The following TAPBPL variants were observed in gnomAD, a reference collection of about 807,000 sequenced individuals.
The protein encoded by TAPBPL is tapasin-related protein.
In TAPBPL, 32 loss-of-function variants were observed where a neutral mutation model predicts 44.8. The observed-to-expected ratio is 0.71, with a 90% confidence interval of 0.54 to 0.96. The LOEUF is 0.96. Ranked by LOEUF, TAPBPL falls within the 40% of genes least tolerant of loss-of-function variation. TAPBPL has a pLI of 0.00. For missense variants in TAPBPL, 520 were observed against 586.6 expected, an observed-to-expected ratio of 0.89 and a Z score of 1.17; for synonymous variants, 230 against 240.7, an observed-to-expected ratio of 0.96 and a Z score of 0.41.
chr12:6,465,002 T>G, downstream of TAPBPL: 1 of 1,604,398 alleles, frequency 6.2e-7, no homozygotes, highest in Non-Finnish European at 8.5e-7. Context: ...AAGAGCCACA[T>G]CTCTAGTGGG....
At chr12:6,465,717 CAA>C, downstream of TAPBPL, 2 of 1,334,444 alleles carry the variant, frequency 1.5e-6, no homozygotes, top group Non-Finnish European at 2.0e-6. Context: ...GATTTCCTCC[CAA>C]GCGTTATGCT....
downstream of TAPBPL, chr12:6,466,432 C>G: frequency 2.0e-6 from 3 of 1,488,766 alleles, no homozygotes; most frequent in South Asian, 3.9e-5. Context: ...CCTGTAGTCC[C>G]AGCTACTCAA....
chr12:6,453,342 C>T lies in TAPBPL; in HGVS notation c.295+45C>T. The T allele has an allele frequency of 6.2e-7, 1 of 1,610,792 alleles. No individual in the cohort carries two copies. Among genetic ancestry groups the T allele is most frequent in the South Asian group, 1.1e-5 (1 of 90,670 alleles). On this transcript the variant is annotated intron_variant, in intron 2 of 6. Transcript: ENST00000266556. The surrounding 1 kb of genome is among the most constrained non-coding windows in gnomAD (Gnocchi z 4.8). ...GTCCTTGGTCCTCCCGGGCTCCCTC[C>T]ACCAGGACAGCCCAGGTCCCGATTA...
At chr12:6,468,714 T>G (rs1303813589), downstream of TAPBPL, among the ~76,000 whole-genome samples, 1 of 152,190 alleles carries the variant, frequency 6.6e-6, no homozygotes, top group Non-Finnish European at 1.5e-5. Context: ...GTGTGTGGTC[T>G]TCAAGACAAA....
At chr12:6,451,889 C>G (rs1949554871), upstream of TAPBPL, 2 of 348,456 alleles carry the variant, frequency 5.7e-6, no homozygotes, top group Admixed American at 4.5e-5. Flanking sequence ...TGTCTGACTT[C>G]AGATCCCCTT....
downstream of TAPBPL, chr12:6,463,572 AT>A: frequency 1.5e-5 from 16 of 1,056,632 alleles, no homozygotes; most frequent in Non-Finnish European, 1.8e-5. This position sits in a 1 kb window ranked among gnomAD's most constrained non-coding sequence, Gnocchi z 4.0. Context: ...TTACTTTCAA[AT>A]TAAGCACTTG....
intron 4 of TAPBPL, among the ~76,000 whole-genome samples, chr12:6,458,065 T>C (rs1412676968): frequency 6.6e-6 from 1 of 152,218 alleles, no homozygotes; most frequent in Non-Finnish European, 1.5e-5. Flanking sequence ...GAAGCGGTTC[T>C]GACCATTATC....
At chr12:6,452,817 G>A (rs1949590708) in intron 1 of TAPBPL, among the ~76,000 whole-genome samples, 1 of 152,254 alleles carries the variant, frequency 6.6e-6, no homozygotes, top group African/African-American at 2.4e-5. Context: ...GGAAATGCAA[G>A]CATAAACTCC....
At chr12:6,465,331 A>G, downstream of TAPBPL, 1 of 316,532 alleles carries the variant, frequency 3.2e-6, no homozygotes, top group Non-Finnish European at 6.0e-6. Context: ...CAATCTGAGA[A>G]AGCTGATTTA....
downstream of TAPBPL, chr12:6,463,819 C>T (rs1402897720): frequency 8.2e-7 from 1 of 1,214,432 alleles, no homozygotes; most frequent in Non-Finnish European, 1.0e-6. The surrounding 1 kb of genome is among the most constrained non-coding windows in gnomAD (Gnocchi z 4.0). Flanking sequence ...CCTAAGTGTT[C>T]TCCAGGCCTC....
chr12:6,464,059 C>G, downstream of TAPBPL: 2 of 1,299,038 alleles, frequency 1.5e-6, no homozygotes, highest in Non-Finnish European at 2.0e-6. Context: ...CCCTCCCTAG[C>G]TCCTACCAGT....
At chr12:6,470,645 C>CCG (rs1264071072), downstream of TAPBPL, 3 of 1,448,824 alleles carry the variant, frequency 2.1e-6, no homozygotes, top group Non-Finnish European at 1.9e-6. Flanking sequence ...CTCGCGCCGA[C>CCG]TACCCCGCGG....
At chr12:6,452,435 A>G in intron 1 of TAPBPL, 123 bp downstream of exon 1, 1 of 1,423,176 alleles carries the variant, frequency 7.0e-7, no homozygotes, top group Non-Finnish European at 9.3e-7. Context: ...TTCTAAGCCC[A>G]ACAGGGGAAA....
intron 3 of TAPBPL, among the ~76,000 whole-genome samples, chr12:6,456,631 C>T (rs1289570905): frequency 6.6e-6 from 1 of 150,906 alleles, no homozygotes; most frequent in Non-Finnish European, 1.5e-5. Context: ...CCCAATACCA[C>T]GTGTGTTTTT....
chr12:6,454,907 G>A (rs1204065228), intron 3 of TAPBPL, among the ~76,000 whole-genome samples: 2 of 151,988 alleles, frequency 1.3e-5, no homozygotes, highest in Non-Finnish European at 2.9e-5. Flanking sequence ...CAAGTCCAGA[G>A]AAAATTAGGG....
intron 1 of TAPBPL, among the ~76,000 whole-genome samples, chr12:6,452,864 A>C (rs1437408760): frequency 6.6e-6 from 1 of 152,238 alleles, no homozygotes; most frequent in East Asian, 1.9e-4. Flanking sequence ...AACTCTCACC[A>C]AGAAGTATTT....
intron 3 of TAPBPL, among the ~76,000 whole-genome samples, chr12:6,455,610 TA>T (rs1371612265): frequency 6.6e-6 from 1 of 152,150 alleles, no homozygotes; most frequent in Non-Finnish European, 1.5e-5. Flanking sequence ...TACTTTTAGA[TA>T]TTTTTTAATT....
chr12:6,470,507 C>A, downstream of TAPBPL: 1 of 1,613,906 alleles, frequency 6.2e-7, no homozygotes, highest in Non-Finnish European at 8.5e-7. Flanking sequence ...AGGTGCCGAG[C>A]CCCCACACCA....
intron 1 of TAPBPL, chr12:6,452,621 T>C: frequency 2.3e-6 from 3 of 1,298,722 alleles, no homozygotes; most frequent in Non-Finnish European, 2.9e-6. Flanking sequence ...ACTCCCCAGG[T>C]GAGGAAATCA....
Sources: gnomAD v4.1 joint callset for allele counts (sites outside exome capture counted in the v4.1 genomes callset) on GRCh38, gnomAD v4.1.1 for gene constraint, Gnocchi (gnomAD v3.1) non-coding constraint, MANE v1.5 for transcripts, NCBI Gene and HGNC (gene_info 2026-07-23, HGNC 2026-07-21) for gene names.